Variants in PRR5L observed in about 807,000 individuals in gnomAD.
PRR5L encodes proline-rich protein 5-like.
Under a neutral mutation model 36.4 loss-of-function variants are expected in PRR5L, and 21 were observed. The observed-to-expected ratio is 0.58, with a 90% confidence interval of 0.41 to 0.83. The LOEUF (loss-of-function observed/expected upper bound fraction) is 0.83, where lower values mean the gene tolerates loss of function less well. Among genes scored for constraint, PRR5L ranks in the 40% least tolerant of loss-of-function variants. PRR5L has a pLI of 0.00. For synonymous variants in PRR5L, 188 were observed against 197.0 expected (o/e 0.95, Z 0.38); for missense variants, 381 against 473.3 (o/e 0.80, Z 1.81).
intron 1 of PRR5L, chr11:36,323,403 TG>T (rs1395270468): frequency 6.6e-6 from 1 of 152,222 alleles, no homozygotes; most frequent in Non-Finnish European, 1.5e-5. Context: ...AGCATCAACT[TG>T]GGTTCATCGT....
chr11:36,300,581 A>T (rs199552558), intron 1 of PRR5L, among the ~76,000 whole-genome samples: 1 of 73,760 alleles, frequency 1.4e-5, no homozygotes, highest in Non-Finnish European at 4.0e-5. Flanking sequence ...GGGCCATATC[A>T]TCTCACCTTC....
At chr11:36,336,728 G>A (rs562000285) in intron 1 of PRR5L, among the ~76,000 whole-genome samples, 14 of 152,038 alleles carry the variant, frequency 9.2e-5, no homozygotes, top group Non-Finnish European at 1.5e-4. Flanking sequence ...TAAACATATA[G>A]CTATTACAAT....
At chr11:36,447,032 T>G (rs1858845651) in intron 7 of PRR5L, among the ~76,000 whole-genome samples, 2 of 152,244 alleles carry the variant, frequency 1.3e-5, no homozygotes, top group Non-Finnish European at 2.9e-5. Flanking sequence ...ACCTCACAGC[T>G]GATGTGCTTC....
chr11:36,399,193 A>T (rs1857735266), intron 1 of PRR5L, among the ~76,000 whole-genome samples: 1 of 152,130 alleles, frequency 6.6e-6, no homozygotes, highest in African/African-American at 2.4e-5. Context: ...ACAGCCTGTT[A>T]TGCTTCTTTT....
At chr11:36,420,851 A>ACACACACACACG (rs1218645920) in intron 4 of PRR5L, among the ~76,000 whole-genome samples, 1 of 131,388 alleles carries the variant, frequency 7.6e-6, no homozygotes, top group East Asian at 2.1e-4. Context: ...ACACACACAC[A>ACACACACACACG]CACACACACA....
chr11:36,452,258 A>G (rs1858960628), intron 8 of PRR5L, among the ~76,000 whole-genome samples: 1 of 152,202 alleles, frequency 6.6e-6, no homozygotes, highest in South Asian at 2.1e-4. Flanking sequence ...AGAGATGCAG[A>G]GGCAGAAATG....
At chr11:36,378,191 C>T (rs1020869518) in intron 1 of PRR5L, among the ~76,000 whole-genome samples, 2 of 152,122 alleles carry the variant, frequency 1.3e-5, no homozygotes, top group African/African-American at 4.8e-5. Context: ...AAGCAGCTAG[C>T]GGGTCAGGAG....
At chr11:36,434,929 T>G (rs1858573360) in intron 5 of PRR5L, among the ~76,000 whole-genome samples, 1 of 152,120 alleles carries the variant, frequency 6.6e-6, no homozygotes, top group African/African-American at 2.4e-5. Flanking sequence ...CAGAATTACC[T>G]TGTGTGCCAA....
rs1185749690 is a variant in PRR5L, at chr11:36,439,437, AACAATTAATATTG to A, written c.444+1962_444+1974del. On this transcript the variant is annotated intron_variant, in intron 6 of 8. Coordinates refer to ENST00000530639, the MANE Select transcript of PRR5L (RefSeq NM_001160167.2). ...CTCTTGGAAGATGGTAAGATCTGGC[AACAATTAATATTG>A]CCCCTGTTCACCTCCTCACTCCCCA... Among the ~76,000 whole-genome samples the A allele has an allele frequency of 3.0e-4, 46 of 152,170 alleles. 1 individual carries two copies. Among genetic ancestry groups the A allele is most frequent in the Non-Finnish European group, 2.9e-5 (2 of 68,036 alleles).
At chr11:36,349,800 G>A (rs1469440710) in intron 1 of PRR5L, 1 of 152,168 alleles carries the variant, frequency 6.6e-6, no homozygotes, top group Non-Finnish European at 1.5e-5. Flanking sequence ...GCTGAGCACT[G>A]TAATCCAGGG....
intron 3 of PRR5L, among the ~76,000 whole-genome samples, chr11:36,411,536 G>A (rs1033310623): frequency 3.9e-5 from 6 of 152,070 alleles, no homozygotes; most frequent in Non-Finnish European, 5.9e-5. Context: ...GTCAGGCCCC[G>A]TGTAAGTGTC....
chr11:36,322,034 T>G (rs1038182355), intron 1 of PRR5L, among the ~76,000 whole-genome samples: 4 of 152,210 alleles, frequency 2.6e-5, no homozygotes, highest in Non-Finnish European at 4.4e-5. Context: ...GACTTAGGAC[T>G]TCAACATATG....
intron 8 of PRR5L, among the ~76,000 whole-genome samples, chr11:36,452,214 G>A (rs1224165380): frequency 6.6e-6 from 1 of 152,290 alleles, no homozygotes; most frequent in South Asian, 2.1e-4. Context: ...TGGCAGCAAC[G>A]GTACTTCAGG....
chr11:36,392,115 G>T (rs575559811), intron 1 of PRR5L, among the ~76,000 whole-genome samples: 1 of 152,242 alleles, frequency 6.6e-6, no homozygotes, highest in South Asian at 2.1e-4. Context: ...ATGATATCCA[G>T]TTCCACCCAT....
intron 1 of PRR5L, among the ~76,000 whole-genome samples, chr11:36,384,737 A>T (rs969313424): frequency 6.6e-6 from 1 of 150,782 alleles, no homozygotes; most frequent in Non-Finnish European, 1.5e-5. Flanking sequence ...CAGTGGCATG[A>T]TTGTAGCTCA....
chr11:36,348,903 A>G (rs901875770), intron 1 of PRR5L, among the ~76,000 whole-genome samples: 1 of 152,116 alleles, frequency 6.6e-6, no homozygotes, highest in Non-Finnish European at 1.5e-5. Context: ...GTTCTTTCCT[A>G]TTCTCTCAGG....
intron 1 of PRR5L, among the ~76,000 whole-genome samples, chr11:36,369,904 CAGTATTTATTT>C (rs1857181449): frequency 6.6e-6 from 1 of 152,096 alleles, no homozygotes; most frequent in African/African-American, 2.4e-5. Context: ...GCCTGCAACT[CAGTATTTATTT>C]GGAATGTTTC....
rs1332947892 is a variant in PRR5L at position 36,351,672 on chromosome 11, TAC to T, written c.-125-49324_-125-49323del. 1.1e-3 allele frequency among the ~76,000 whole-genome samples: 4 copies of T among 3,480 alleles called. 1 individual carries two copies. Among genetic ancestry groups the T allele is most frequent in the African/African-American group, 4.1e-3 (4 of 966 alleles). 2.3% of individuals were successfully genotyped at this position (3,480 alleles called of 152,430 possible). On this transcript the variant is annotated intron_variant, in intron 1 of 8. Coordinates refer to ENST00000530639, the MANE Select transcript of PRR5L (RefSeq NM_001160167.2). ...ATATTTATATAAATATATATTTATA[TAC>T]TTATATATTTATATATTTATATATT...
intron 1 of PRR5L, among the ~76,000 whole-genome samples, chr11:36,386,823 G>A (rs61119502): frequency 0.036 from 5,528 of 152,288 alleles, 357 homozygotes; most frequent in African/African-American, 0.13. Context: ...TGAGGGAATA[G>A]ATGCAAATGG....
Sources: gnomAD v4.1 joint callset for allele counts (sites outside exome capture counted in the v4.1 genomes callset) on GRCh38, gnomAD v4.1.1 for gene constraint, MANE v1.5 for transcripts, NCBI Gene and HGNC (gene_info 2026-07-23, HGNC 2026-07-21) for gene names.